The following ADGRG2 variants were observed in gnomAD, a reference collection of about 807,000 sequenced individuals.
The protein encoded by ADGRG2 is adhesion G protein-coupled receptor G2.
Under a neutral mutation model 74.1 loss-of-function variants are expected in ADGRG2, and 26 were observed. The ratio of observed to expected loss-of-function variants is 0.35; its 90% CI spans 0.26 to 0.49. ADGRG2 has a LOEUF of 0.49. ADGRG2 is among the 20% of genes least tolerant of loss of function. The pLI is 0.99. For synonymous variants in ADGRG2, 296 were observed against 295.2 expected, an observed-to-expected ratio of 1.00 and a Z score of -0.03; for missense variants, 619 against 763.1, an observed-to-expected ratio of 0.81 and a Z score of 2.22.
chrX:19,040,513 T>C (rs2061036883), intron 3 of ADGRG2, among the ~76,000 whole-genome samples: 1 of 112,330 alleles, frequency 8.9e-6, no homozygotes, highest in African/African-American at 3.2e-5. Context: ...ACATCTTTAA[T>C]GGAAGTGAAC....
chrX:19,045,063 T>G (rs1022331362), intron 3 of ADGRG2, among the ~76,000 whole-genome samples: 1 of 110,599 alleles, frequency 9.0e-6, no homozygotes, highest in African/African-American at 3.3e-5. Context: ...GAAGGACTCC[T>G]CGACCCTGAA....
intron 3 of ADGRG2, among the ~76,000 whole-genome samples, chrX:19,044,825 C>T (rs1324031875): frequency 8.9e-6 from 1 of 111,803 alleles, no homozygotes; most frequent in Non-Finnish European, 1.9e-5. Context: ...CATGGCATAA[C>T]AGGAATAGCA....
At chrX:19,055,978 C>A (rs769877565) in intron 3 of ADGRG2, among the ~76,000 whole-genome samples, 68 of 110,074 alleles carry the variant, frequency 6.2e-4, no homozygotes, top group African/African-American at 2.2e-3. Context: ...AGGTGATCCA[C>A]CCTCCTTGAC....
chrX:19,001,294 A>C (rs965513955), intron 24 of ADGRG2, among the ~76,000 whole-genome samples: 1 of 110,046 alleles, frequency 9.1e-6, no homozygotes, highest in African/African-American at 3.3e-5. Flanking sequence ...TGGGGAAAGA[A>C]TCCTATTCAC....
intron 1 of ADGRG2, among the ~76,000 whole-genome samples, chrX:19,108,492 A>T (rs1481446610): frequency 3.6e-5 from 4 of 112,209 alleles, no homozygotes; most frequent in Non-Finnish European, 7.5e-5. Context: ...CCACAGCACC[A>T]CTCATAAAAG....
At chrX:19,047,220 T>C (rs780657753) in intron 3 of ADGRG2, among the ~76,000 whole-genome samples, 1 of 111,811 alleles carries the variant, frequency 8.9e-6, no homozygotes, top group East Asian at 2.8e-4. Context: ...AAGTCAGCCA[T>C]TGTGAGCCCC....
chrX:19,122,626 G>A (rs2062630543), upstream of ADGRG2: 1 of 109,452 alleles, frequency 9.1e-6, no homozygotes, highest in South Asian at 3.3e-4. Context: ...CGGCGGCGGC[G>A]AGGCTGGGCG....
intron 3 of ADGRG2, among the ~76,000 whole-genome samples, chrX:19,049,877 T>C (rs1268423868): frequency 1.8e-5 from 2 of 111,684 alleles, no homozygotes; most frequent in Admixed American, 1.9e-4. Flanking sequence ...GCATCTGTCA[T>C]GTATGGGTTA....
intron 1 of ADGRG2, among the ~76,000 whole-genome samples, chrX:19,113,645 G>C (rs1366970369): frequency 8.9e-6 from 1 of 112,344 alleles, no homozygotes; most frequent in Non-Finnish European, 1.9e-5. Flanking sequence ...ACACGAGCAA[G>C]AGTGTAAATG....
chrX:19,090,286 T>A (rs2061997531), intron 1 of ADGRG2, among the ~76,000 whole-genome samples: 1 of 111,496 alleles, frequency 9.0e-6, no homozygotes, highest in East Asian at 2.8e-4. Context: ...TTGCTCATGA[T>A]AATCTCCCTG....
At position 19,096,410 on chromosome X, in the gene ADGRG2, TAA is replaced by T. The variant is rs756410342; in HGVS notation, c.-46-13666_-46-13665del. 5.4e-3 allele frequency among the ~76,000 whole-genome samples: 404 copies of T among 75,195 alleles called. 1 individual carries two copies. The highest frequency in any genetic ancestry group is 0.018 in the African/African-American group (367 of 20,161). 65.3% of individuals were successfully genotyped at this position (75,195 alleles called of 115,157 possible). A position where few individuals can be genotyped will look rare whatever the true frequency, so the allele number is the denominator to read the frequency against. Reference sequence around the variant, plus strand: ...CTGGGTGACAGAGCGAGACTCTATCTAAAAAAAAAAAAAAAAAAAATCAGTAT... The same window carrying T: ...CTGGGTGACAGAGCGAGACTCTATCTAAAAAAAAAAAAAAAAAATCAGTAT... On this transcript the variant is annotated intron_variant, in intron 1 of 28. Transcript: ENST00000379869.
intron 9 of ADGRG2, among the ~76,000 whole-genome samples, chrX:19,029,684 T>G (rs776481262): frequency 2.9e-5 from 2 of 68,605 alleles, no homozygotes; most frequent in South Asian, 1.4e-3. Flanking sequence ...TTACTCAAGA[T>G]GACCAGTTTT....
chrX:19,026,204 T>C (rs756789243), intron 11 of ADGRG2, among the ~76,000 whole-genome samples: 1 of 112,633 alleles, frequency 8.9e-6, no homozygotes, highest in South Asian at 3.7e-4. Flanking sequence ...ATTTGAAAGA[T>C]GACCCATAAG....
chrX:19,040,120 A>G (rs2061026449), intron 4 of ADGRG2, 69 bp downstream of exon 4: 1 of 721,537 alleles, frequency 1.4e-6, no homozygotes, highest in Non-Finnish European at 2.2e-6. Flanking sequence ...ACTACATGCC[A>G]TGTTTCATAG....
intron 1 of ADGRG2, among the ~76,000 whole-genome samples, chrX:19,094,119 G>A (rs2062057145): frequency 9.0e-6 from 1 of 111,661 alleles, no homozygotes; most frequent in South Asian, 3.8e-4. Flanking sequence ...TCAACATAGA[G>A]TGTGGATAGA....
chrX:19,101,195 G>A (rs1392460128), intron 1 of ADGRG2, among the ~76,000 whole-genome samples: 2 of 107,606 alleles, frequency 1.9e-5, no homozygotes, highest in Non-Finnish European at 3.8e-5. Context: ...TTGTTCTCTG[G>A]GAGTGGTTTG....
rs184992823 is a variant in ADGRG2, at chrX:19,022,078, A to T, written c.549-880T>A. On this transcript the variant is annotated intron_variant, in intron 13 of 28. Coordinates refer to ENST00000379869, the MANE Select transcript of ADGRG2 (RefSeq NM_001079858.3). ...CAGGATTTTGAGACCAGCCTGGCCA[A>T]CATGCTGAAAACCTGTCTCTACTAA... Among the ~76,000 whole-genome samples the T allele has an allele frequency of 6.0e-3, 666 of 110,591 alleles. 5 individuals carry two copies. Among genetic ancestry groups the T allele is most frequent in the African/African-American group, 0.021 (632 of 30,570 alleles).
chrX:19,071,014 T>C (rs1277518354), intron 2 of ADGRG2, among the ~76,000 whole-genome samples: 4 of 111,630 alleles, frequency 3.6e-5, no homozygotes, highest in Non-Finnish European at 5.6e-5. Context: ...ATATCTATTT[T>C]GCACCTAGTA....
intron 3 of ADGRG2, among the ~76,000 whole-genome samples, chrX:19,050,391 G>T (rs1428143728): frequency 8.9e-6 from 1 of 111,877 alleles, no homozygotes; most frequent in Non-Finnish European, 1.9e-5. Flanking sequence ...AACCCCAGAG[G>T]CAGACAGAAG....
Sources: allele counts gnomAD v4.1 joint callset (sites outside exome capture counted in the v4.1 genomes callset), GRCh38; gene constraint gnomAD v4.1.1; transcripts MANE v1.5; gene names NCBI Gene and HGNC (gene_info 2026-07-23, HGNC 2026-07-21).